Variants in PCDH15 observed in about 807,000 individuals in gnomAD.
PCDH15 encodes protocadherin-15.
Under a neutral mutation model 178.5 loss-of-function variants are expected in PCDH15, and 129 were observed. That is an observed-to-expected ratio of 0.72 (90% CI 0.63 to 0.84). PCDH15 has a LOEUF of 0.84. PCDH15 is among the 40% of genes least tolerant of loss of function. PCDH15 has a pLI of 0.00. For synonymous variants in PCDH15, 800 were observed against 732.0 expected, an observed-to-expected ratio of 1.09 and a Z score of -1.50; for missense variants, 2,230 against 2,099.9, an observed-to-expected ratio of 1.06 and a Z score of -1.21.
At chr10:54,752,003 G>T (rs1008505540) in intron 1 of PCDH15, among the ~76,000 whole-genome samples, 1 of 152,174 alleles carries the variant, frequency 6.6e-6, no homozygotes, top group African/African-American at 2.4e-5. Context: ...ATTAGGAAAA[G>T]ACTTGTTTTA....
At chr10:54,721,846 A>G (rs1429950051) in intron 1 of PCDH15, among the ~76,000 whole-genome samples, 2 of 151,864 alleles carry the variant, frequency 1.3e-5, no homozygotes, top group Non-Finnish European at 2.9e-5. Context: ...CAAGGAGGAA[A>G]GACTCCTCCT....
At position 53,888,664 on chromosome 10, in the gene PCDH15, GATATATATAT is replaced by G. The variant is rs59914675; in HGVS notation, c.3501+14569_3501+14578del. 2.7e-3 allele frequency among the ~76,000 whole-genome samples: 46 copies of G among 17,026 alleles called. 1 individual carries two copies. Among genetic ancestry groups the G allele is most frequent in the South Asian group, 5.6e-3 (2 of 356 alleles). 11.2% of individuals were successfully genotyped at this position (17,026 alleles called of 152,430 possible). ...TTTCAATTCCCTAGCAGTTAAGTTTGATATATATATATATATATATATATATATATATATA... is the reference window on the plus strand; with the variant it reads ...TTTCAATTCCCTAGCAGTTAAGTTTGATATATATATATATATATATATATA... On this transcript the variant is annotated intron_variant, in intron 26 of 37. Transcript: ENST00000644397.
At chr10:55,060,911 C>T (rs1038165429) in intron 2 of PCDH15, among the ~76,000 whole-genome samples, 1 of 151,916 alleles carries the variant, frequency 6.6e-6, no homozygotes, top group Non-Finnish European at 1.5e-5. Context: ...AGGCCTTAGA[C>T]TTTCACAAAA....
At chr10:54,780,725 C>G (rs530529068) in intron 1 of PCDH15, among the ~76,000 whole-genome samples, 13 of 101,042 alleles carry the variant, frequency 1.3e-4, no homozygotes. Flanking sequence ...GGTGATAAAG[C>G]AATTGTGTAA....
At chr10:54,314,164 C>T (rs906660675) in intron 8 of PCDH15, among the ~76,000 whole-genome samples, 19 of 144,966 alleles carry the variant, frequency 1.3e-4, no homozygotes, top group African/African-American at 3.8e-4. Flanking sequence ...CACACACACA[C>T]GCAATACAGA....
At chr10:54,538,743 C>T (rs1465788022) in intron 2 of PCDH15, among the ~76,000 whole-genome samples, 4 of 152,124 alleles carry the variant, frequency 2.6e-5, no homozygotes, top group African/African-American at 9.7e-5. Flanking sequence ...GTACCTTCCC[C>T]TTCATTCTCT....
rs549558800 is a variant in PCDH15, at chr10:54,779,588, T to C, written c.-29+21337A>G. 5.2e-4 allele frequency among the ~76,000 whole-genome samples: 76 copies of C among 147,528 alleles called. 1 individual carries two copies. The East Asian group carries it at 5.3e-3, about 10-fold the overall frequency. On this transcript the variant is annotated intron_variant, in intron 1 of 37. Transcript: ENST00000644397. ...TCAATACAGCACACTGATTCTTTCC[T>C]ACTATGTGATGCTCCGGGCTGGTAT...
intron 3 of PCDH15, among the ~76,000 whole-genome samples, chr10:54,896,005 T>C (rs975059109): frequency 4.6e-5 from 7 of 151,950 alleles, no homozygotes; most frequent in Admixed American, 1.3e-4. Flanking sequence ...TCCTGCCTCA[T>C]CCTCCCGAGT....
At chr10:55,332,459 C>T (rs759087027) in intron 2 of PCDH15, among the ~76,000 whole-genome samples, 4 of 152,040 alleles carry the variant, frequency 2.6e-5, no homozygotes, top group Non-Finnish European at 4.4e-5. Context: ...AGATCAAATC[C>T]ATAACTTCCA....
At chr10:55,465,153 A>G (rs1388533916) in intron 2 of PCDH15, among the ~76,000 whole-genome samples, 2 of 152,132 alleles carry the variant, frequency 1.3e-5, no homozygotes, top group Non-Finnish European at 2.9e-5. Flanking sequence ...GATTTTAGGA[A>G]ATTGACTCAC....
intron 21 of PCDH15, among the ~76,000 whole-genome samples, chr10:53,990,388 A>G (rs2091382960): frequency 6.6e-6 from 1 of 151,804 alleles, no homozygotes; most frequent in Admixed American, 6.6e-5. Flanking sequence ...CTGATTTTAA[A>G]GTCCATAACT....
intron 2 of PCDH15, among the ~76,000 whole-genome samples, chr10:55,339,520 T>C (rs888173593): frequency 6.6e-6 from 1 of 152,174 alleles, no homozygotes; most frequent in East Asian, 1.9e-4. Context: ...CATTAATCAA[T>C]GTATACATAA....
chr10:55,328,756 G>A (rs1037058631), intron 2 of PCDH15, among the ~76,000 whole-genome samples: 3 of 150,606 alleles, frequency 2.0e-5, no homozygotes, highest in East Asian at 1.9e-4. Flanking sequence ...CATTTTATTC[G>A]GTACCGTAGG....
intron 5 of PCDH15, among the ~76,000 whole-genome samples, chr10:54,354,942 A>G (rs1243288676): frequency 1.3e-5 from 2 of 151,944 alleles, no homozygotes; most frequent in African/African-American, 4.8e-5. Flanking sequence ...GAAAGCAAAA[A>G]CTCAAATTAG....
chr10:54,129,102 A>T (rs1164571169), intron 15 of PCDH15, among the ~76,000 whole-genome samples: 1 of 152,170 alleles, frequency 6.6e-6, no homozygotes, highest in Non-Finnish European at 1.5e-5. Flanking sequence ...CATTCTTTTC[A>T]TTTTCCCGAT....
chr10:54,084,714 T>C (rs1345871492), intron 16 of PCDH15, among the ~76,000 whole-genome samples: 6 of 152,160 alleles, frequency 3.9e-5, no homozygotes, highest in Non-Finnish European at 8.8e-5. Flanking sequence ...CAAAATTCCG[T>C]TATTAGGAAA....
At chr10:54,479,334 G>A (rs1435597631) in intron 3 of PCDH15, among the ~76,000 whole-genome samples, 2 of 151,966 alleles carry the variant, frequency 1.3e-5, no homozygotes, top group African/African-American at 4.8e-5. Flanking sequence ...GGTTTGGAGA[G>A]TAACTTCCAG....
At chr10:53,933,735 T>C (rs2134004028) in intron 25 of PCDH15, among the ~76,000 whole-genome samples, 1 of 152,286 alleles carries the variant, frequency 6.6e-6, no homozygotes, top group South Asian at 2.1e-4. Context: ...TCTAGATCCC[T>C]GAGGAATCGC....
chr10:55,039,840 T>G (rs1231763098), intron 2 of PCDH15, among the ~76,000 whole-genome samples: 3 of 152,090 alleles, frequency 2.0e-5, no homozygotes, highest in Admixed American at 1.3e-4. Flanking sequence ...GAAGTGACTT[T>G]GAACTAAATG....
Sources: gnomAD v4.1 joint callset for allele counts (sites outside exome capture counted in the v4.1 genomes callset) on GRCh38, gnomAD v4.1.1 for gene constraint, MANE v1.5 for transcripts, NCBI Gene and HGNC (gene_info 2026-07-23, HGNC 2026-07-21) for gene names.